Variants in USP48 observed in about 807,000 individuals in gnomAD.
USP48 encodes the protein ubiquitin carboxyl-terminal hydrolase 48.
A neutral mutation model predicts 150.7 loss-of-function variants in USP48; 43 were observed. The observed-to-expected ratio is 0.29, with a 90% CI of 0.22 to 0.37. The LOEUF (loss-of-function observed/expected upper bound fraction) is 0.37, where lower values mean the gene tolerates loss of function less well. Ranked by LOEUF, USP48 falls within the 10% of genes least tolerant of loss-of-function variation. The pLI, the probability that USP48 is intolerant of heterozygous loss-of-function variation, is 1.00. For missense variants in USP48, 813 were observed against 1,249.6 expected (o/e 0.65, Z 5.27); for synonymous variants, 396 against 425.9 (o/e 0.93, Z 0.86).
intron 23 of USP48, among the ~76,000 whole-genome samples, chr1:21,692,393 G>T (rs1268537958): frequency 1.3e-5 from 2 of 152,162 alleles, no homozygotes; most frequent in Non-Finnish European, 2.9e-5. Context: ...AGCTACGGTG[G>T]ATGTGTGTGA....
At chr1:21,762,763 G>A (rs930804394) in intron 1 of USP48, among the ~76,000 whole-genome samples, 5 of 151,762 alleles carry the variant, frequency 3.3e-5, no homozygotes, top group Non-Finnish European at 7.4e-5. Context: ...CTACTCAGGA[G>A]GCTGAGGCAG....
chr1:21,713,098 C>G (rs141692443), intron 15 of USP48, among the ~76,000 whole-genome samples: 1,997 of 146,360 alleles, frequency 0.014, 21 homozygotes, highest in Non-Finnish European at 0.023. Flanking sequence ...TTCTCACTCT[C>G]TCTTTCTTTT....
At chr1:21,736,688 C>G (rs2097769521) in intron 8 of USP48, 63 bp from the exon 9 acceptor site, 1 of 1,308,070 alleles carries the variant, frequency 7.6e-7, no homozygotes, top group Non-Finnish European at 1.0e-6. Flanking sequence ...TATCCTGAGC[C>G]TGAATTGTAA....
In USP48 at chr1:21,690,113, A is replaced by C; in HGVS notation, c.2884-14T>G. 2.5e-6 allele frequency: 4 copies of C among 1,608,874 alleles called. No individual in the cohort carries two copies. Among genetic ancestry groups the C allele is most frequent in the Non-Finnish European group, 3.4e-6 (4 of 1,177,094 alleles). ...TGCATGCATGATCTGTGCCAATATA[A>C]AAGAGAGAAAGTCCGTATAATGCAA... On this transcript the variant is annotated splice_polypyrimidine_tract_variant and intron_variant, in intron 23 of 26. Coordinates refer to ENST00000308271, the MANE Select transcript of USP48 (RefSeq NM_032236.8).
intron 15 of USP48, 146 bp from the exon 16 acceptor site, chr1:21,707,014 G>T: frequency 2.0e-6 from 2 of 977,772 alleles, no homozygotes; most frequent in Non-Finnish European, 2.9e-6. Flanking sequence ...CTCTTTTCTT[G>T]TTTTCAAAAA....
At chr1:21,728,938 T>C (rs896391868) in intron 10 of USP48, among the ~76,000 whole-genome samples, 1 of 152,156 alleles carries the variant, frequency 6.6e-6, no homozygotes, top group Admixed American at 6.5e-5. Context: ...TAGCTCTCCA[T>C]GACATCATCA....
At chr1:21,759,299 G>C (rs2097844614) in intron 1 of USP48, among the ~76,000 whole-genome samples, 1 of 152,006 alleles carries the variant, frequency 6.6e-6, no homozygotes, top group Non-Finnish European at 1.5e-5. Context: ...AGGCAGGAGT[G>C]GGGGAGGGAG....
At chr1:21,689,654 A>G (rs1296207101) in intron 24 of USP48, among the ~76,000 whole-genome samples, 1 of 152,196 alleles carries the variant, frequency 6.6e-6, no homozygotes, top group East Asian at 1.9e-4. Context: ...ACAAAGGCAT[A>G]GAAACTGATC....
intron 1 of USP48, among the ~76,000 whole-genome samples, chr1:21,763,315 C>T (rs897927022): frequency 6.6e-6 from 1 of 152,150 alleles, no homozygotes; most frequent in African/African-American, 2.4e-5. Context: ...GATAGACTAC[C>T]ACCCCAGGCC....
chr1:21,760,896 C>G (rs2097848379), intron 1 of USP48, among the ~76,000 whole-genome samples: 1 of 151,902 alleles, frequency 6.6e-6, no homozygotes, highest in African/African-American at 2.4e-5. Flanking sequence ...GATTTCGAGA[C>G]CAGCCTGACC....
chr1:21,782,472 G>C (rs1373198252), intron 1 of USP48, among the ~76,000 whole-genome samples: 1 of 152,182 alleles, frequency 6.6e-6, no homozygotes, highest in Admixed American at 6.6e-5. Context: ...CTGTGATGAA[G>C]CTCACTTCCA....
At chr1:21,714,344 T>A (rs1323688232) in intron 15 of USP48, among the ~76,000 whole-genome samples, 2 of 152,150 alleles carry the variant, frequency 1.3e-5, no homozygotes, top group Non-Finnish European at 2.9e-5. Flanking sequence ...GTCGTGATCA[T>A]AGCTCACTCT....
At chr1:21,695,357 G>A in intron 22 of USP48, 136 bp from the exon 23 acceptor site, 1 of 937,974 alleles carries the variant, frequency 1.1e-6, no homozygotes, top group Non-Finnish European at 1.5e-6. Context: ...TAAACAATGA[G>A]TAGAAACTAA....
intron 1 of USP48, among the ~76,000 whole-genome samples, chr1:21,782,350 G>A (rs564722484): frequency 6.6e-6 from 1 of 152,020 alleles, no homozygotes; most frequent in South Asian, 2.1e-4. Context: ...GAAGGCCAAC[G>A]GGGGTGCAGG....
intron 1 of USP48, 96 bp from the exon 2 acceptor site, chr1:21,757,879 T>C: frequency 7.2e-7 from 1 of 1,390,058 alleles, no homozygotes; most frequent in Non-Finnish European, 9.5e-7. Context: ...TTCTCATCTA[T>C]AAATTAGCAA....
rs763172841 is a variant in USP48, at chr1:21,721,756, G to A, written c.1657C>T (p.Leu553=). 5.0e-6 allele frequency: 8 copies of A among 1,586,638 alleles called. No homozygotes were observed. Among genetic ancestry groups the A allele is most frequent in the Admixed American group, 1.8e-5 (1 of 56,678 alleles). Residue 553 remains leucine, a synonymous_variant, in exon 13 of 27, where the codon CTG becomes TTG. Coordinates refer to ENST00000308271, the MANE Select transcript of USP48 (RefSeq NM_032236.8). ...GGGPRLTVKA[L]CKECVVERCR... ...CGTTCTACTACACATTCCTTACACA[G>A]GGCTTTCACTACAGGCAAGAAAGAA...
At chr1:21,739,054 T>C (rs1479560280) in intron 8 of USP48, among the ~76,000 whole-genome samples, 3 of 152,204 alleles carry the variant, frequency 2.0e-5, no homozygotes, top group Non-Finnish European at 4.4e-5. Flanking sequence ...ATAAGCCATG[T>C]AGTAAGGACA....
intron 23 of USP48, among the ~76,000 whole-genome samples, chr1:21,690,994 C>A (rs1436023138): frequency 6.6e-6 from 1 of 152,078 alleles, no homozygotes; most frequent in Non-Finnish European, 1.5e-5. Context: ...GGACCATATG[C>A]CCCACCCCAG....
intron 23 of USP48, among the ~76,000 whole-genome samples, chr1:21,691,238 C>A (rs562598132): frequency 1.3e-5 from 2 of 149,460 alleles, no homozygotes; most frequent in African/African-American, 4.9e-5. Flanking sequence ...TGCTTGAACC[C>A]AGGAGATGGA....
Sources: allele counts gnomAD v4.1 joint callset (sites outside exome capture counted in the v4.1 genomes callset), GRCh38; gene constraint gnomAD v4.1.1; transcripts MANE v1.5; gene names NCBI Gene and HGNC (gene_info 2026-07-23, HGNC 2026-07-21).